The following TRABD2B variants were observed in gnomAD, a reference collection of about 807,000 sequenced individuals.
TRABD2B encodes TraB domain containing 2B.
TRABD2B carries 14 observed loss-of-function variants against 40.1 expected under a neutral mutation model. That is an observed-to-expected ratio of 0.35 (90% CI 0.23 to 0.55). The LOEUF (loss-of-function observed/expected upper bound fraction) is 0.55, where lower values mean the gene tolerates loss of function less well. Ranked by LOEUF, TRABD2B falls within the 20% of genes least tolerant of loss-of-function variation. TRABD2B has a pLI of 0.90. For missense variants in TRABD2B, 541 were observed against 648.6 expected (o/e 0.83, Z 1.80); for synonymous variants, 263 against 277.0 (o/e 0.95, Z 0.50).
At chr1:47,943,128 T>A (rs2148365933) in intron 2 of TRABD2B, among the ~76,000 whole-genome samples, 1 of 152,302 alleles carries the variant, frequency 6.6e-6, no homozygotes, top group East Asian at 1.9e-4. Context: ...AAAATGGGGA[T>A]AACACTGGTT....
At chr1:47,944,044 G>T (rs1443336261) in intron 2 of TRABD2B, among the ~76,000 whole-genome samples, 1 of 152,226 alleles carries the variant, frequency 6.6e-6, no homozygotes, top group Admixed American at 6.5e-5. Flanking sequence ...AATAACCAGG[G>T]CCAGGGGCCA....
intron 2 of TRABD2B, among the ~76,000 whole-genome samples, chr1:47,941,473 C>T (rs947542048): frequency 6.6e-6 from 1 of 152,174 alleles, no homozygotes; most frequent in Non-Finnish European, 1.5e-5. Context: ...TGCCCACTTA[C>T]CCACAAAAAT....
chr1:47,965,202 GGGGGGGGGTGGAGGGGGGGGT>G (rs1645581606), intron 2 of TRABD2B, among the ~76,000 whole-genome samples: 2 of 81,576 alleles, frequency 2.5e-5, no homozygotes, highest in Non-Finnish European at 4.7e-5. Context: ...GGCGGGGGGC[GGGGGGGGGTGGAGGGGGGGGT>G]GGGGGGGGTG....
Position 47,977,033 on chromosome 1 carries a change from G to A in TRABD2B, c.666+17001C>T, listed in dbSNP as rs1241397426. ...ACTCAGTTATGTATATGTGTGGATG[G>A]TGTATTTAGCTTTATGCAATTTTAA... On this transcript the variant is annotated intron_variant, in intron 2 of 6. Transcript: ENST00000606738. 2.6e-5 allele frequency among the ~76,000 whole-genome samples: 4 copies of A among 151,204 alleles called. No homozygotes were observed. In the East Asian group the frequency reaches 7.8e-4, roughly 29 times the overall value.
intron 2 of TRABD2B, among the ~76,000 whole-genome samples, chr1:47,908,342 T>C (rs80214160): frequency 0.027 from 4,049 of 152,262 alleles, 184 homozygotes; most frequent in African/African-American, 0.09. Context: ...TTACGATGAT[T>C]ACATAAAAAG....
In TRABD2B at chr1:47,891,486, G is replaced by A. The variant is rs147361745; in HGVS notation, c.667-89867C>T. On this transcript the variant is annotated intron_variant, in intron 2 of 6. Transcript: ENST00000606738. ...TGGGTAAAAAGGGTTCCAGGCAGAG[G>A]CAAGAATATGTTTTGTGTGTTCAAT... Among the ~76,000 whole-genome samples the A allele has an allele frequency of 4.5e-4, 68 of 152,194 alleles. No individual in the cohort carries two copies. In the Middle Eastern group the frequency reaches 0.01, roughly 23 times the overall value.
chr1:47,913,487 A>G (rs2124711882), intron 2 of TRABD2B, among the ~76,000 whole-genome samples: 1 of 152,282 alleles, frequency 6.6e-6, no homozygotes, highest in South Asian at 2.1e-4. Flanking sequence ...CCCAGTGCCT[A>G]TTTTGCACTT....
chr1:47,830,201 C>A (rs1557599159), intron 2 of TRABD2B, among the ~76,000 whole-genome samples: 2 of 152,272 alleles, frequency 1.3e-5, no homozygotes, highest in South Asian at 4.1e-4. Context: ...CAGCATCGCA[C>A]CCTCATTCAC....
intron 2 of TRABD2B, among the ~76,000 whole-genome samples, chr1:47,945,819 T>C (rs559884112): frequency 1.3e-5 from 2 of 152,340 alleles, no homozygotes; most frequent in East Asian, 1.9e-4. Context: ...TTTAGGGATA[T>C]TTGGGTTGTT....
intron 2 of TRABD2B, among the ~76,000 whole-genome samples, chr1:47,956,935 C>T (rs1645432429): frequency 6.6e-6 from 1 of 152,238 alleles, no homozygotes; most frequent in Non-Finnish European, 1.5e-5. Context: ...CCATGAGTAG[C>T]CTAACTGGGA....
chr1:47,837,530 G>C (rs1033211482), intron 2 of TRABD2B, among the ~76,000 whole-genome samples: 1 of 151,732 alleles, frequency 6.6e-6, no homozygotes, highest in East Asian at 1.9e-4. Context: ...CTCTGCTCCC[G>C]CCAAGGTCCC....
chr1:47,909,263 A>T (rs1644717991), intron 2 of TRABD2B, among the ~76,000 whole-genome samples: 1 of 152,170 alleles, frequency 6.6e-6, no homozygotes, highest in Non-Finnish European at 1.5e-5. Context: ...AAAGGGGTTT[A>T]CTTGGCTCAT....
intron 2 of TRABD2B, among the ~76,000 whole-genome samples, chr1:47,805,978 G>A (rs1644886609): frequency 6.6e-6 from 1 of 152,230 alleles, no homozygotes; most frequent in Non-Finnish European, 1.5e-5. Context: ...AGAGAGCCAA[G>A]AGGGATGTTG....
chr1:47,934,051 C>T (rs1393054925), intron 2 of TRABD2B, among the ~76,000 whole-genome samples: 3 of 152,212 alleles, frequency 2.0e-5, no homozygotes, highest in African/African-American at 4.8e-5. Context: ...TGGGGAAAAG[C>T]TGATGTTATT....
At chr1:47,864,138 G>A (rs1279247604) in intron 2 of TRABD2B, among the ~76,000 whole-genome samples, 1 of 152,050 alleles carries the variant, frequency 6.6e-6, no homozygotes, top group Admixed American at 6.6e-5. Context: ...TAATTTTTAG[G>A]GCAATGAAAT....
intron 2 of TRABD2B, among the ~76,000 whole-genome samples, chr1:47,938,286 GC>G (rs1645140525): frequency 1.3e-5 from 2 of 152,332 alleles, no homozygotes; most frequent in African/African-American, 4.8e-5. Context: ...GAGCAGAGAG[GC>G]CAAGCAAGAG....
intron 2 of TRABD2B, among the ~76,000 whole-genome samples, chr1:47,925,852 T>A (rs979173503): frequency 1.3e-5 from 2 of 152,242 alleles, no homozygotes; most frequent in African/African-American, 4.8e-5. Context: ...AAGTCTAAGC[T>A]GCCATGGTGC....
At chr1:47,817,645 G>C (rs1208059568) in intron 2 of TRABD2B, among the ~76,000 whole-genome samples, 1 of 152,126 alleles carries the variant, frequency 6.6e-6, no homozygotes, top group Non-Finnish European at 1.5e-5. Flanking sequence ...CTTCATCTCT[G>C]CTGGGGGAGC....
Position 47,772,116 on chromosome 1 carries a change from G to A in TRABD2B, c.1349+3054C>T, listed in dbSNP as rs1444088553. 2.6e-5 allele frequency among the ~76,000 whole-genome samples: 4 copies of A among 151,986 alleles called. No individual in the cohort carries two copies. The East Asian group carries it at 7.8e-4, about 29-fold the overall frequency. On this transcript the variant is annotated intron_variant, in intron 6 of 6. Transcript: ENST00000606738. ...GGGGAAGGGCAACCACATGGTGCTGGGTGATGACAGCGACCCTTAGGGTCA... is the reference window on the plus strand; with the variant it reads ...GGGGAAGGGCAACCACATGGTGCTGAGTGATGACAGCGACCCTTAGGGTCA...
Sources: allele counts gnomAD v4.1 joint callset (sites outside exome capture counted in the v4.1 genomes callset), GRCh38; gene constraint gnomAD v4.1.1; transcripts MANE v1.5; gene names NCBI Gene and HGNC (gene_info 2026-07-23, HGNC 2026-07-21).